Variants in DLG2 observed in about 807,000 individuals in gnomAD.
DLG2 encodes the protein disks large homolog 2.
Under a neutral mutation model 132.5 loss-of-function variants are expected in DLG2, and 45 were observed. That is an observed-to-expected ratio of 0.34 (90% CI 0.27 to 0.44). The LOEUF (loss-of-function observed/expected upper bound fraction) is 0.44. Among genes scored for constraint, DLG2 ranks in the 20% least tolerant of loss-of-function variants. The probability of loss-of-function intolerance (pLI) is 1.00; values close to 1 mark genes in which losing one functional copy is unlikely to be tolerated. For synonymous variants in DLG2, 424 were observed against 419.6 expected (o/e 1.01, Z -0.13); for missense variants, 1,045 against 1,196.9 (o/e 0.87, Z 1.87).
At chr11:85,485,560 G>A (rs916226487) in intron 3 of DLG2, among the ~76,000 whole-genome samples, 1 of 152,168 alleles carries the variant, frequency 6.6e-6, no homozygotes, top group Admixed American at 6.5e-5. Flanking sequence ...GAGAAGTACT[G>A]AATGTGAGTA....
intron 2 of DLG2, among the ~76,000 whole-genome samples, chr11:85,610,854 T>C (rs930014866): frequency 1.4e-4 from 21 of 152,276 alleles, no homozygotes; most frequent in African/African-American, 4.6e-4. Context: ...ATTAAAACAG[T>C]TGCAGGGGTT....
chr11:85,455,178 G>A (rs1053028308), intron 3 of DLG2, among the ~76,000 whole-genome samples: 1 of 151,972 alleles, frequency 6.6e-6, no homozygotes, highest in African/African-American at 2.4e-5. Flanking sequence ...TTCCATTTGT[G>A]TATGTCATCT....
At chr11:85,114,916 AT>A (rs1467265272) in intron 5 of DLG2, among the ~76,000 whole-genome samples, 9 of 151,870 alleles carry the variant, frequency 5.9e-5, no homozygotes, top group African/African-American at 2.2e-4. Context: ...GAGCCCTTTC[AT>A]CCCCAGAAAA....
chr11:83,989,471 G>A (rs1298215733), intron 11 of DLG2, among the ~76,000 whole-genome samples: 1 of 152,146 alleles, frequency 6.6e-6, no homozygotes, highest in Non-Finnish European at 1.5e-5. Flanking sequence ...AATCTGTCTG[G>A]TTTGGATGAG....
rs140779354 is a variant in DLG2, at chr11:83,610,244, A to G, written c.1940+22967T>C. 9.0e-4 allele frequency among the ~76,000 whole-genome samples: 137 copies of G among 152,272 alleles called. 1 individual carries two copies. The South Asian group carries it at 9.2e-3, about 10-fold the overall frequency. On this transcript the variant is annotated intron_variant, in intron 19 of 27. Transcript: ENST00000376104. Reference sequence around the variant, plus strand: ...GGGATCCCAGAGTTTACCTCTTCCTATCTATGTGGTTTACGTGAAAAACAT... The same window carrying G: ...GGGATCCCAGAGTTTACCTCTTCCTGTCTATGTGGTTTACGTGAAAAACAT...
At chr11:84,140,531 G>A (rs1414903431) in intron 9 of DLG2, among the ~76,000 whole-genome samples, 1 of 152,034 alleles carries the variant, frequency 6.6e-6, no homozygotes, top group East Asian at 1.9e-4. Context: ...TCCTATTCAC[G>A]AGTTCCAAAA....
chr11:83,496,724 A>G (rs1351892686), intron 21 of DLG2, among the ~76,000 whole-genome samples: 4 of 152,226 alleles, frequency 2.6e-5, no homozygotes, highest in Admixed American at 2.6e-4. Flanking sequence ...TAAGTCCAAG[A>G]ACAGGCAAAA....
intron 6 of DLG2, among the ~76,000 whole-genome samples, chr11:85,009,567 A>C (rs1267015730): frequency 2.0e-5 from 3 of 152,128 alleles, no homozygotes; most frequent in Non-Finnish European, 4.4e-5. Flanking sequence ...TGTAAATATC[A>C]AAAGATACTC....
intron 3 of DLG2, among the ~76,000 whole-genome samples, chr11:85,414,662 T>A (rs2089657254): frequency 6.6e-6 from 1 of 152,050 alleles, no homozygotes; most frequent in South Asian, 2.1e-4. Context: ...TGACTTTCTC[T>A]CTTGATGATC....
At chr11:84,560,293 G>A (rs538979423) in intron 6 of DLG2, among the ~76,000 whole-genome samples, 1 of 152,142 alleles carries the variant, frequency 6.6e-6, no homozygotes, top group East Asian at 1.9e-4. Flanking sequence ...CAGTGTGCTA[G>A]GCACTATCAA....
chr11:83,496,705 C>T (rs1298637998), intron 21 of DLG2, among the ~76,000 whole-genome samples: 2 of 152,122 alleles, frequency 1.3e-5, no homozygotes, highest in Non-Finnish European at 2.9e-5. Context: ...TAGATAATTC[C>T]AATGACTGTA....
intron 4 of DLG2, among the ~76,000 whole-genome samples, chr11:85,231,170 G>A (rs951769188): frequency 2.0e-5 from 3 of 151,874 alleles, no homozygotes; most frequent in Non-Finnish European, 4.4e-5. Context: ...TACCTCTCCT[G>A]TTGGGACTGC....
chr11:85,398,686 G>A (rs975926099), intron 3 of DLG2, among the ~76,000 whole-genome samples: 1 of 152,038 alleles, frequency 6.6e-6, no homozygotes, highest in Non-Finnish European at 1.5e-5. Flanking sequence ...AGAAGAAATG[G>A]ATAAATTCCT....
At chr11:83,665,715 C>T (rs965384284) in intron 18 of DLG2, among the ~76,000 whole-genome samples, 2 of 152,106 alleles carry the variant, frequency 1.3e-5, no homozygotes, top group African/African-American at 2.4e-5. Context: ...GCAGATCAGA[C>T]GTGCCCCTTG....
chr11:84,640,397 T>C, intron 6 of DLG2: 1 of 398,548 alleles, frequency 2.5e-6, no homozygotes, highest in South Asian at 2.5e-5. Flanking sequence ...GTTTGGTATC[T>C]CAAGCCCAGA....
At chr11:85,269,060 C>G (rs1357060703) in intron 4 of DLG2, among the ~76,000 whole-genome samples, 1 of 152,220 alleles carries the variant, frequency 6.6e-6, no homozygotes, top group Non-Finnish European at 1.5e-5. Context: ...CATATAGCTA[C>G]TAGCTTGCTA....
chr11:84,777,335 T>C (rs1367154039), intron 6 of DLG2, among the ~76,000 whole-genome samples: 1 of 135,986 alleles, frequency 7.4e-6, no homozygotes, highest in African/African-American at 2.7e-5. Context: ...ACGTTTTCTT[T>C]ACCCAGTCAT....
At chr11:83,506,311 A>G (rs1042719539) in intron 21 of DLG2, among the ~76,000 whole-genome samples, 2 of 152,190 alleles carry the variant, frequency 1.3e-5, no homozygotes, top group African/African-American at 4.8e-5. Flanking sequence ...GTGGGCCCAA[A>G]TCAATAAATT....
intron 7 of DLG2, among the ~76,000 whole-genome samples, chr11:84,262,092 T>G (rs933873609): frequency 1.1e-4 from 17 of 152,266 alleles, no homozygotes; most frequent in African/African-American, 3.6e-4. Context: ...TGCAACCCTA[T>G]GAAGTACATA....
Sources: gnomAD v4.1 joint callset for allele counts (sites outside exome capture counted in the v4.1 genomes callset) on GRCh38, gnomAD v4.1.1 for gene constraint, MANE v1.5 for transcripts, NCBI Gene and HGNC (gene_info 2026-07-23, HGNC 2026-07-21) for gene names.